CNTN4: variants seen among roughly 807,000 people sequenced by gnomAD.
The protein encoded by CNTN4 is contactin-4.
In CNTN4, 77 loss-of-function variants were observed where a neutral mutation model predicts 122.5. The ratio of observed to expected loss-of-function variants is 0.63; its 90% CI spans 0.52 to 0.76. The LOEUF is 0.76. Among genes scored for constraint, CNTN4 ranks in the 30% least tolerant of loss-of-function variants. CNTN4 has a pLI of 0.00. For missense variants in CNTN4, 1,256 were observed against 1,259.1 expected (o/e 1.00, Z 0.04); for synonymous variants, 512 against 447.0 (o/e 1.15, Z -1.83).
At chr3:2,174,173 A>G (rs1349920404) in intron 2 of CNTN4, among the ~76,000 whole-genome samples, 1 of 152,144 alleles carries the variant, frequency 6.6e-6, no homozygotes, top group Non-Finnish European at 1.5e-5. Context: ...GTTTCTGCAG[A>G]ATGTATCACT....
chr3:2,594,251 A>G (rs539990104), intron 4 of CNTN4, among the ~76,000 whole-genome samples: 3 of 152,130 alleles, frequency 2.0e-5, no homozygotes, highest in South Asian at 2.1e-4. Context: ...ACAATTTGAA[A>G]TGTTACTGAT....
chr3:2,897,482 A>G (rs1312997181), intron 10 of CNTN4, among the ~76,000 whole-genome samples: 1 of 151,982 alleles, frequency 6.6e-6, no homozygotes, highest in East Asian at 1.9e-4. Flanking sequence ...AAATAATAGT[A>G]TTGAACTAAC....
At chr3:2,162,320 A>G (rs1032143302) in intron 2 of CNTN4, among the ~76,000 whole-genome samples, 5 of 152,226 alleles carry the variant, frequency 3.3e-5, no homozygotes, top group Admixed American at 3.3e-4. Context: ...GTTCTCATAT[A>G]TGCACATGCA....
Position 2,124,458 on chromosome 3 carries a change from ACACACACACACACACC to A in CNTN4, c.-145+23821_-145+23836del, listed in dbSNP as rs1559265615. Among the ~76,000 whole-genome samples, 7 of 148,978 alleles carry A rather than the reference ACACACACACACACACC, an allele frequency of 4.7e-5. No individual in the cohort carries two copies. The East Asian group carries it at 8.5e-4, about 18-fold the overall frequency. ...AACACACACACACACACACACACAC[ACACACACACACACACC>A]CCCTTAAGCAAGGTATGCTGGCTCA... On this transcript the variant is annotated intron_variant, in intron 2 of 24. Transcript: ENST00000418658.
At chr3:2,781,889 A>AATTTTTTGT (rs2091599855) in intron 6 of CNTN4, among the ~76,000 whole-genome samples, 1 of 65,582 alleles carries the variant, frequency 1.5e-5, no homozygotes, top group Admixed American at 1.9e-4. Flanking sequence ...ACGCCCGGCT[A>AATTTTTTGT]ATTTTTTGTA....
At chr3:2,424,333 G>C (rs1421892159) in intron 3 of CNTN4, among the ~76,000 whole-genome samples, 2 of 150,464 alleles carry the variant, frequency 1.3e-5, no homozygotes, top group Non-Finnish European at 2.9e-5. Context: ...TTTTGTCCTT[G>C]TGATAGTTTG....
At chr3:2,970,068 T>A (rs1157148958) in intron 13 of CNTN4, among the ~76,000 whole-genome samples, 1 of 151,904 alleles carries the variant, frequency 6.6e-6, no homozygotes, top group Non-Finnish European at 1.5e-5. Context: ...ATCAATAGCA[T>A]ACTGTTTTTG....
chr3:2,121,536 C>G (rs1360895530), intron 2 of CNTN4, among the ~76,000 whole-genome samples: 1 of 151,902 alleles, frequency 6.6e-6, no homozygotes, highest in Non-Finnish European at 1.5e-5. Flanking sequence ...GCACGGGGAC[C>G]CATATCCTCC....
chr3:2,946,709 T>TC (rs1243205606), intron 13 of CNTN4, among the ~76,000 whole-genome samples: 30 of 148,592 alleles, frequency 2.0e-4, no homozygotes, highest in Non-Finnish European at 6.0e-5. Flanking sequence ...TTTTTCTTTT[T>TC]TTTTTTTTTT....
At position 2,382,840 on chromosome 3, in the gene CNTN4, G is replaced by A. The variant is rs555650744; in HGVS notation, c.-89+43607G>A. Among the ~76,000 whole-genome samples, 9 of 152,202 alleles carry A rather than the reference G, an allele frequency of 5.9e-5. 2 individuals are homozygous for A. The South Asian group carries it at 1.7e-3, about 28-fold the overall frequency. The stretch of plus-strand genomic sequence containing the variant: ...TGTAACCCCAGCACTTCGGGAGGCC[G>A]AGGCGGGCGGATCACCTGAGGTCAG... On this transcript the variant is annotated intron_variant, in intron 3 of 24. Transcript: ENST00000418658.
chr3:2,126,074 T>C (rs1054732183), intron 2 of CNTN4, among the ~76,000 whole-genome samples: 1 of 152,196 alleles, frequency 6.6e-6, no homozygotes, highest in African/African-American at 2.4e-5. Flanking sequence ...ATCCATTGTG[T>C]ATGGAATCCT....
intron 2 of CNTN4, among the ~76,000 whole-genome samples, chr3:2,126,069 T>C (rs568694159): frequency 5.9e-5 from 9 of 152,266 alleles, no homozygotes. Context: ...CAAGCATCCA[T>C]TGTGTATGGA....
intron 2 of CNTN4, among the ~76,000 whole-genome samples, chr3:2,153,187 T>C (rs2035568629): frequency 6.6e-6 from 1 of 152,166 alleles, no homozygotes; most frequent in African/African-American, 2.4e-5. Flanking sequence ...GACAAAAATG[T>C]AAGCGTCATT....
At chr3:2,241,216 G>A (rs931077507) in intron 2 of CNTN4, among the ~76,000 whole-genome samples, 6 of 152,142 alleles carry the variant, frequency 3.9e-5, no homozygotes, top group African/African-American at 9.7e-5. Context: ...CTTATTTTCA[G>A]AGGCCAGTGT....
At chr3:2,772,098 C>T (rs2091127760) in intron 6 of CNTN4, among the ~76,000 whole-genome samples, 1 of 152,072 alleles carries the variant, frequency 6.6e-6, no homozygotes, top group Non-Finnish European at 1.5e-5. Flanking sequence ...CCTTGTTTGA[C>T]ATGGTAATGA....
intron 2 of CNTN4, among the ~76,000 whole-genome samples, chr3:2,338,345 CTA>C (rs2044042840): frequency 6.6e-6 from 1 of 151,858 alleles, no homozygotes; most frequent in African/African-American, 2.4e-5. Context: ...AATCAAGAAA[CTA>C]TAACATTTTT....
At chr3:2,625,201 A>G (rs924508485) in intron 4 of CNTN4, among the ~76,000 whole-genome samples, 1 of 152,090 alleles carries the variant, frequency 6.6e-6, no homozygotes, top group African/African-American at 2.4e-5. Context: ...TCATCCTCCA[A>G]AAAGGTAGTG....
Position 2,571,492 on chromosome 3 carries a change from C to A in CNTN4, c.-12C>A, listed in dbSNP as rs778610345. 8.1e-6 allele frequency: 13 copies of A among 1,610,450 alleles called. No homozygotes were observed. Among genetic ancestry groups the A allele is most frequent in the African/African-American group, 1.3e-5 (1 of 74,850 alleles). On this transcript the variant is annotated 5_prime_UTR_variant, in exon 4 of 25. Transcript: ENST00000418658. ...TTGGACTTGAAACTCCCTTTGACCTCGGAAACTGAAGATGAGGTTGCCATG... is the reference window on the plus strand; with the variant it reads ...TTGGACTTGAAACTCCCTTTGACCTAGGAAACTGAAGATGAGGTTGCCATG...
chr3:3,008,511 C>T (rs1696869113), intron 14 of CNTN4, among the ~76,000 whole-genome samples: 1 of 152,208 alleles, frequency 6.6e-6, no homozygotes, highest in Non-Finnish European at 1.5e-5. Flanking sequence ...ATATGTAGCA[C>T]TTTTGCTCCT....
Sources: gnomAD v4.1 joint callset for allele counts (sites outside exome capture counted in the v4.1 genomes callset) on GRCh38, gnomAD v4.1.1 for gene constraint, MANE v1.5 for transcripts, NCBI Gene and HGNC (gene_info 2026-07-23, HGNC 2026-07-21) for gene names.